ZNF469: variants seen among roughly 807,000 people sequenced by gnomAD.
The protein encoded by ZNF469 is zinc finger protein 469.
In ZNF469, 1 loss-of-function variant was observed where a neutral mutation model predicts 1.0. That is an observed-to-expected ratio of 1.00 (90% CI 0.35 to 4.73). The LOEUF is 4.73. Among genes scored for constraint, ZNF469 ranks in the 30% most tolerant of loss-of-function variants. The probability of loss-of-function intolerance (pLI) is 0.16; values close to 1 mark genes in which losing one functional copy is unlikely to be tolerated. For missense variants in ZNF469, 6,100 were observed against 5,356.3 expected (o/e 1.14, Z -4.33); for synonymous variants, 2,703 against 2,363.4 (o/e 1.14, Z -4.17).
the ZNF469 span, among the ~76,000 whole-genome samples, chr16:88,111,613 TAAGTG>T: frequency 1.3e-5 from 2 of 152,186 alleles, no homozygotes; most frequent in Non-Finnish European, 2.9e-5. Flanking sequence ...CTCCCACGAA[TAAGTG>T]AAGACGTGTT....
rs748259983 is a variant in ZNF469 at position 88,437,595 on chromosome 16, C to T, written c.10125C>T (p.Pro3375=). 2 of 1,538,062 alleles carry T rather than the reference C, an allele frequency of 1.3e-6. No individual in the cohort carries two copies. Among genetic ancestry groups the T allele is most frequent in the South Asian group, 1.2e-5 (1 of 83,638 alleles). The change falls in exon 3 of 3, where the codon CCC becomes CCT. Residue 3375 remains proline, a synonymous_variant. Coordinates refer to ENST00000565624, the MANE Select transcript of ZNF469 (RefSeq NM_001367624.2). ...YLCPRCPRVY[P]EHGELLAHLG... ...GCCCCCGGTGCCCCCGGGTCTACCC[C>T]GAGCACGGGGAGCTGCTGGCACACC...
chr16:88,328,743 C>A, the ZNF469 span, among the ~76,000 whole-genome samples: 3 of 152,268 alleles, frequency 2.0e-5, no homozygotes, highest in South Asian at 2.1e-4. Flanking sequence ...GGAGAGGGTG[C>A]GGTGTGAGCA....
rs565623914 is a variant in ZNF469, at chr16:88,406,067, C to T, written c.-191-18740C>T. ...GGCGGGAGCCAGGGACAACTTTCCA[C>T]AGGGCCTGGGAGGGAGCAGCCCGGA... On this transcript the variant is annotated intron_variant, in intron 1 of 2. Transcript: ENST00000565624. Among the ~76,000 whole-genome samples the T allele has an allele frequency of 1.1e-3, 168 of 152,352 alleles. 1 individual carries two copies. The highest frequency in any genetic ancestry group is 3.8e-3 in the African/African-American group (159 of 41,592).
At chr16:88,155,519 G>A in the ZNF469 span, among the ~76,000 whole-genome samples, 2 of 152,154 alleles carry the variant, frequency 1.3e-5, no homozygotes, top group Non-Finnish European at 2.9e-5. Flanking sequence ...CTGCTTCTGT[G>A]GATTTGCCAG....
At chr16:88,300,495 G>C in the ZNF469 span, among the ~76,000 whole-genome samples, 9 of 151,980 alleles carry the variant, frequency 5.9e-5, no homozygotes, top group African/African-American at 2.2e-4. Context: ...CGCCATGCTC[G>C]GTGCTGCCAT....
intron 1 of ZNF469, among the ~76,000 whole-genome samples, chr16:88,384,043 G>C (rs1418624730): frequency 6.6e-6 from 1 of 152,236 alleles, no homozygotes; most frequent in Non-Finnish European, 1.5e-5. Context: ...GGGGCGGGGG[G>C]GCAGCTCAGC....
At chr16:88,134,267 G>A in the ZNF469 span, among the ~76,000 whole-genome samples, 24 of 152,242 alleles carry the variant, frequency 1.6e-4, no homozygotes, top group Admixed American at 5.9e-4. Flanking sequence ...CTTCTGCGTC[G>A]GGACACACTG....
At chr16:88,140,864 C>T in the ZNF469 span, among the ~76,000 whole-genome samples, 4 of 152,094 alleles carry the variant, frequency 2.6e-5, no homozygotes, top group East Asian at 3.9e-4. Flanking sequence ...ACCCAGGAGG[C>T]GGAGGTTGCA....
chr16:88,261,829 G>T, the ZNF469 span, among the ~76,000 whole-genome samples: 3 of 152,164 alleles, frequency 2.0e-5, no homozygotes, highest in Non-Finnish European at 4.4e-5. This position sits in a 1 kb window ranked among gnomAD's most constrained non-coding sequence, Gnocchi z 6.0. Context: ...TGGATCTTCA[G>T]GGTGAAGGCT....
intron 1 of ZNF469, among the ~76,000 whole-genome samples, chr16:88,404,174 G>GCCCCCACAGC (rs34676872): frequency 6.6e-6 from 1 of 151,956 alleles, no homozygotes; most frequent in African/African-American, 2.4e-5. Flanking sequence ...ACATGTCACA[G>GCCCCCACAGC]CCCCACACCC....
At chr16:88,248,584 T>A in the ZNF469 span, among the ~76,000 whole-genome samples, 1 of 152,152 alleles carries the variant, frequency 6.6e-6, no homozygotes, top group Non-Finnish European at 1.5e-5. Flanking sequence ...TTTATAAAAC[T>A]TGAGTGTATG....
chr16:88,227,498 GTCTCCCCATCTCCCCA>G, the ZNF469 span, among the ~76,000 whole-genome samples: 25 of 141,148 alleles, frequency 1.8e-4, no homozygotes, highest in South Asian at 6.8e-4. Flanking sequence ...CTGTGTCCCC[GTCTCCCCATCTCCCCA>G]TCTCCCCATC....
chr16:88,304,023 G>A, the ZNF469 span, among the ~76,000 whole-genome samples: 8,009 of 152,264 alleles, frequency 0.053, 699 homozygotes, highest in African/African-American at 0.18. Context: ...GCTTTCCAGA[G>A]GTAATGGGGC....
chr16:88,329,509 G>A, the ZNF469 span, among the ~76,000 whole-genome samples: 1 of 152,190 alleles, frequency 6.6e-6, no homozygotes, highest in East Asian at 1.9e-4. Context: ...TCAGAAGGGT[G>A]AGGATGAAAC....
the ZNF469 span, among the ~76,000 whole-genome samples, chr16:88,255,606 T>C: frequency 6.6e-6 from 1 of 152,210 alleles, no homozygotes; most frequent in Non-Finnish European, 1.5e-5. Flanking sequence ...GACACATTAT[T>C]ATCAACCAAA....
At chr16:88,246,250 A>C in the ZNF469 span, among the ~76,000 whole-genome samples, 1 of 152,248 alleles carries the variant, frequency 6.6e-6, no homozygotes, top group Non-Finnish European at 1.5e-5. Flanking sequence ...TCATGTTTTC[A>C]TTCATTTATT....
intron 1 of ZNF469, among the ~76,000 whole-genome samples, chr16:88,416,933 T>C (rs1428105873): frequency 6.6e-6 from 1 of 152,038 alleles, no homozygotes; most frequent in Admixed American, 6.5e-5. Context: ...GGCCTGGGAC[T>C]GTCAGGTCAA....
In ZNF469 at chr16:88,428,600, C is replaced by T. The variant is rs756739680; in HGVS notation, c.1130C>T (p.Thr377Ile). Residue 377 changes from threonine (T) to isoleucine (I), a missense_variant, in exon 3 of 3, where the codon ACC becomes ATC. By Grantham distance (89) the Thr-to-Ile change is moderately conservative. Coordinates refer to ENST00000565624, the MANE Select transcript of ZNF469 (RefSeq NM_001367624.2). ...PFSDSLHKSL[T>I]KILPERPPSA... ...TCTGACAGTTTACACAAGAGCCTGA[C>T]CAAAATCCTTCCCGAAAGACCACCT... The T allele has an allele frequency of 2.6e-6, 4 of 1,550,230 alleles. No individual in the cohort carries two copies. Among genetic ancestry groups the T allele is most frequent in the Middle Eastern group, 1.7e-4 (1 of 5,992 alleles).
chr16:88,293,255 T>C, the ZNF469 span, among the ~76,000 whole-genome samples: 1 of 151,004 alleles, frequency 6.6e-6, no homozygotes, highest in Non-Finnish European at 1.5e-5. Context: ...AATGGGTAGA[T>C]GGACAGGAAG....
Sources: allele counts gnomAD v4.1 joint callset (sites outside exome capture counted in the v4.1 genomes callset), GRCh38; gene constraint gnomAD v4.1.1; non-coding constraint Gnocchi (gnomAD v3.1); transcripts MANE v1.5; gene names NCBI Gene and HGNC (gene_info 2026-07-23, HGNC 2026-07-21).